The following CEMIP variants were observed in gnomAD, a reference collection of about 807,000 sequenced individuals.
CEMIP encodes cell migration inducing hyaluronidase 1, also known as cell migration-inducing and hyaluronan-binding protein.
CEMIP carries 105 observed loss-of-function variants against 156.9 expected under a neutral mutation model. That is an observed-to-expected ratio of 0.67 (90% CI 0.57 to 0.79). CEMIP has a LOEUF of 0.79. CEMIP is among the 30% of genes least tolerant of loss of function. The pLI is 0.00. For synonymous variants in CEMIP, 676 were observed against 668.4 expected (o/e 1.01, Z -0.17); for missense variants, 1,457 against 1,769.4 (o/e 0.82, Z 3.17).
intron 1 of CEMIP, among the ~76,000 whole-genome samples, chr15:80,793,227 A>G (rs1896127509): frequency 6.6e-6 from 1 of 152,166 alleles, no homozygotes; most frequent in Admixed American, 6.5e-5. Context: ...AACCTGTCCA[A>G]TTATTTGCTT....
intron 14 of CEMIP, among the ~76,000 whole-genome samples, chr15:80,915,952 GTCT>G (rs1900259944): frequency 6.6e-6 from 1 of 152,030 alleles, no homozygotes; most frequent in South Asian, 2.1e-4. Flanking sequence ...GGAAATTCCA[GTCT>G]TCTTTATAAC....
At chr15:80,803,072 T>G (rs1896419002) in intron 1 of CEMIP, among the ~76,000 whole-genome samples, 1 of 152,190 alleles carries the variant, frequency 6.6e-6, no homozygotes, top group Non-Finnish European at 1.5e-5. Flanking sequence ...ACACCATTAT[T>G]CTTCATTCAC....
chr15:80,951,638 T>TAAAG lies in CEMIP; in HGVS notation c.*2717_*2720dup, dbSNP rs918791272. On this transcript the variant is annotated 3_prime_UTR_variant, in exon 30 of 30. Coordinates refer to ENST00000394685, the MANE Select transcript of CEMIP (RefSeq NM_001293298.2). ...CTTCAAGAAGTCACTGTCAGAGAAA[T>TAAAG]AAAGAATTGTCTTAAATGTCATGAT... The TAAAG allele has an allele frequency of 1.3e-5, 2 of 152,606 alleles. No homozygotes were observed. Among genetic ancestry groups the TAAAG allele is most frequent in the Admixed American group, 1.3e-4 (2 of 15,286 alleles). 9.5% of individuals were successfully genotyped at this position (152,606 alleles called of 1,614,324 possible). A position where few individuals can be genotyped will look rare whatever the true frequency, so the allele number is the denominator to read the frequency against.
In CEMIP at chr15:80,906,601, G is replaced by T; in HGVS notation, c.1412-62G>T. 1.3e-6 allele frequency: 2 copies of T among 1,541,858 alleles called. No homozygotes were observed. The highest frequency in any genetic ancestry group is 4.5e-5 in the East Asian group (2 of 44,298). ...GCAGCCATGGAGGCACCTGGCAGGG[G>T]CCCAGAACTCAGTGGGCATGCAGTA... On this transcript the variant is annotated intron_variant, in intron 12 of 29. Transcript: ENST00000394685. This position sits in a 1 kb window ranked among gnomAD's most constrained non-coding sequence, Gnocchi z 4.3.
At chr15:80,921,151 G>C in intron 16 of CEMIP, 50 bp downstream of exon 16, 1 of 1,531,010 alleles carries the variant, frequency 6.5e-7, no homozygotes, top group Non-Finnish European at 9.0e-7. Flanking sequence ...GGGGGCTGGA[G>C]TCAGGGAGAC....
chr15:80,798,168 T>C (rs1250771660), intron 1 of CEMIP, among the ~76,000 whole-genome samples: 6 of 152,326 alleles, frequency 3.9e-5, no homozygotes, highest in African/African-American at 1.4e-4. Context: ...AAACCCATAA[T>C]CCTACTACTG....
At chr15:80,867,728 G>A (rs1898168532) in intron 1 of CEMIP, among the ~76,000 whole-genome samples, 1 of 152,160 alleles carries the variant, frequency 6.6e-6, no homozygotes, top group South Asian at 2.1e-4. Context: ...GATCCAGAGG[G>A]GTGCTTGGAT....
chr15:80,936,825 C>G lies in CEMIP; in HGVS notation c.3161C>G (p.Thr1054Ser), dbSNP rs1901142939. Residue 1054 changes from threonine (T) to serine (S), a missense_variant, in exon 24 of 30, where the codon ACC becomes AGC. Coordinates refer to ENST00000394685, the MANE Select transcript of CEMIP (RefSeq NM_001293298.2). ...QPVVTLQKGY[T>S]IHWDQTAPAE... ...GTTGTCACCCTGCAGAAGGGCTACA[C>G]CATCCACTGGGACCAGACGGCCCCC... is the stretch of plus-strand genomic sequence containing the variant. 3.7e-6 allele frequency: 6 copies of G among 1,614,182 alleles called. No individual in the cohort carries two copies. Among genetic ancestry groups the G allele is most frequent in the Non-Finnish European group, 4.2e-6 (5 of 1,180,060 alleles).
At chr15:80,803,873 C>A (rs1417960418) in intron 1 of CEMIP, among the ~76,000 whole-genome samples, 1 of 152,104 alleles carries the variant, frequency 6.6e-6, no homozygotes, top group African/African-American at 2.4e-5. Context: ...TCAGATGGAC[C>A]CTGTATTATT....
At chr15:80,911,384 T>C (rs1017190236) in intron 14 of CEMIP, among the ~76,000 whole-genome samples, 1 of 152,248 alleles carries the variant, frequency 6.6e-6, no homozygotes, top group Non-Finnish European at 1.5e-5. Flanking sequence ...AGCATTTTTG[T>C]TGAAGTTCTA....
intron 1 of CEMIP, among the ~76,000 whole-genome samples, chr15:80,841,694 A>C (rs569755821): frequency 5.9e-5 from 9 of 152,168 alleles, no homozygotes; most frequent in Admixed American, 3.3e-4. Flanking sequence ...TAGCTGCCGG[A>C]GCCCTCCCTC....
intron 25 of CEMIP, 58 bp downstream of exon 25, chr15:80,938,037 G>C: frequency 7.0e-7 from 1 of 1,433,432 alleles, no homozygotes; most frequent in East Asian, 2.4e-5. Flanking sequence ...TGTCCCCTTG[G>C]CCTTTCCAAT....
At chr15:80,931,492 T>C (rs768909308) in intron 21 of CEMIP, among the ~76,000 whole-genome samples, 1 of 152,170 alleles carries the variant, frequency 6.6e-6, no homozygotes, top group African/African-American at 2.4e-5. Flanking sequence ...TGACTCTTTA[T>C]GTAATGGAAA....
chr15:80,803,465 T>TA (rs970295995), intron 1 of CEMIP, among the ~76,000 whole-genome samples: 74 of 148,936 alleles, frequency 5.0e-4, no homozygotes, highest in Middle Eastern at 3.4e-3. Context: ...ACTTTAGAAT[T>TA]AAAAAAAAAA....
chr15:80,805,102 C>T (rs1896481610), intron 1 of CEMIP, among the ~76,000 whole-genome samples: 1 of 152,080 alleles, frequency 6.6e-6, no homozygotes, highest in Admixed American at 6.5e-5. Context: ...GTCTCACAAC[C>T]ACATGAAAGC....
intron 15 of CEMIP, among the ~76,000 whole-genome samples, chr15:80,920,707 T>G (rs944498695): frequency 5.3e-5 from 8 of 152,202 alleles, no homozygotes; most frequent in Non-Finnish European, 8.8e-5. Context: ...GCCTTCCAAG[T>G]GCAGGGCCCC....
At chr15:80,806,253 G>C (rs761726801) in intron 1 of CEMIP, among the ~76,000 whole-genome samples, 9 of 152,306 alleles carry the variant, frequency 5.9e-5, no homozygotes, top group Non-Finnish European at 8.8e-5. Flanking sequence ...GTTTGACCTT[G>C]ACTTGGTCCA....
intron 1 of CEMIP, among the ~76,000 whole-genome samples, chr15:80,824,133 G>A (rs1400703399): frequency 3.9e-5 from 6 of 152,222 alleles, no homozygotes; most frequent in Admixed American, 6.5e-5. Flanking sequence ...AAGTGAGAAA[G>A]ACCGTGAAGG....
At position 80,915,586 on chromosome 15, in the gene CEMIP, A is replaced by G. The variant is rs569630010; in HGVS notation, c.1798-4508A>G. On this transcript the variant is annotated intron_variant, in intron 14 of 29. Transcript: ENST00000394685. The stretch of plus-strand genomic sequence containing the variant: ...AAGAGATGGGAGGGAGAGGGGGTAC[A>G]TTACAGATCAGCACCGAAACCAACA... Among the ~76,000 whole-genome samples the G allele has an allele frequency of 6.6e-5, 10 of 152,176 alleles. No homozygotes were observed. The South Asian group carries it at 1.5e-3, about 22-fold the overall frequency.
Sources: gnomAD v4.1 joint callset for allele counts (sites outside exome capture counted in the v4.1 genomes callset) on GRCh38, gnomAD v4.1.1 for gene constraint, Gnocchi (gnomAD v3.1) non-coding constraint, MANE v1.5 for transcripts, NCBI Gene and HGNC (gene_info 2026-07-23, HGNC 2026-07-21) for gene names.